The following RPS6KC1 variants were observed in gnomAD, a reference collection of about 807,000 sequenced individuals.
RPS6KC1 encodes ribosomal protein S6 kinase C1, also known as inactive ribosomal protein S6 kinase delta-1.
RPS6KC1 carries 54 observed loss-of-function variants against 103.8 expected under a neutral mutation model. The observed-to-expected ratio is 0.52, with a 90% CI of 0.42 to 0.65. The LOEUF (loss-of-function observed/expected upper bound fraction) is 0.65. RPS6KC1 is among the 30% of genes least tolerant of loss of function. The pLI is 0.00. For missense variants in RPS6KC1, 1,151 were observed against 1,253.8 expected, an observed-to-expected ratio of 0.92 and a Z score of 1.24; for synonymous variants, 439 against 438.7, an observed-to-expected ratio of 1.00 and a Z score of -0.01.
the RPS6KC1 span, among the ~76,000 whole-genome samples, chr1:213,830,449 G>A: frequency 1.2e-4 from 18 of 152,246 alleles, no homozygotes; most frequent in Non-Finnish European, 1.8e-4. Flanking sequence ...CTCACGAGCA[G>A]GTAGTCTGGC....
chr1:213,174,035 C>T lies in RPS6KC1; in HGVS notation c.952-2365C>T, dbSNP rs141587672. ...AAGACAAATGTAATGGATTAAATAT[C>T]ATTTAAAGTATTCTTTTTTCCCTCC... On this transcript the variant is annotated intron_variant, in intron 7 of 14. Transcript: ENST00000366960. Among the ~76,000 whole-genome samples the T allele has an allele frequency of 2.3e-4, 35 of 152,310 alleles. No individual in the cohort carries two copies. In the East Asian group the frequency reaches 4.6e-3, roughly 20 times the overall value.
the RPS6KC1 span, among the ~76,000 whole-genome samples, chr1:213,356,069 G>T: frequency 6.6e-6 from 1 of 152,182 alleles, no homozygotes; most frequent in Admixed American, 6.5e-5. Context: ...CTGGACACTG[G>T]GCCAGGAGCT....
chr1:213,124,333 G>C (rs544094183), intron 5 of RPS6KC1, among the ~76,000 whole-genome samples: 1 of 152,148 alleles, frequency 6.6e-6, no homozygotes, highest in Admixed American at 6.5e-5. Context: ...CTTCAGGTTG[G>C]TTTAACTTTT....
chr1:213,844,695 G>A, the RPS6KC1 span, among the ~76,000 whole-genome samples: 12 of 152,130 alleles, frequency 7.9e-5, no homozygotes, highest in South Asian at 6.2e-4. Flanking sequence ...TTTATGTGAT[G>A]ATGCATTTAT....
chr1:213,570,429 C>T, the RPS6KC1 span, among the ~76,000 whole-genome samples: 1 of 152,180 alleles, frequency 6.6e-6, no homozygotes, highest in African/African-American at 2.4e-5. Flanking sequence ...GGACCCACGT[C>T]CCAACTGAAA....
chr1:213,514,517 A>G, the RPS6KC1 span, among the ~76,000 whole-genome samples: 2 of 151,670 alleles, frequency 1.3e-5, no homozygotes, highest in East Asian at 3.9e-4. Flanking sequence ...GCTGAGAATG[A>G]TGGTTTCCAG....
At chr1:213,102,051 G>T (rs1421909141) in intron 3 of RPS6KC1, among the ~76,000 whole-genome samples, 2 of 152,152 alleles carry the variant, frequency 1.3e-5, no homozygotes, top group Non-Finnish European at 2.9e-5. Context: ...TGGGAGGGTT[G>T]AGTTTAATTG....
At chr1:213,808,928 C>T in the RPS6KC1 span, among the ~76,000 whole-genome samples, 2 of 152,200 alleles carry the variant, frequency 1.3e-5, no homozygotes, top group African/African-American at 4.8e-5. Flanking sequence ...CTTGGCTCCT[C>T]CTGGTGGTTT....
the RPS6KC1 span, among the ~76,000 whole-genome samples, chr1:213,624,576 G>A: frequency 5.5e-3 from 842 of 152,316 alleles, 6 homozygotes; most frequent in African/African-American, 0.019. Flanking sequence ...CCTTTCAGTA[G>A]TGGCTAGTCA....
chr1:213,487,078 C>T, the RPS6KC1 span, among the ~76,000 whole-genome samples: 1 of 152,140 alleles, frequency 6.6e-6, no homozygotes. Flanking sequence ...CTGCTTCCAC[C>T]TGGTCTGAGC....
chr1:213,536,441 G>A, the RPS6KC1 span, among the ~76,000 whole-genome samples: 6 of 152,216 alleles, frequency 3.9e-5, no homozygotes, highest in African/African-American at 4.8e-5. Context: ...CAATTTCAAA[G>A]CATGCTAATG....
chr1:213,587,494 T>A, the RPS6KC1 span, among the ~76,000 whole-genome samples: 1 of 152,216 alleles, frequency 6.6e-6, no homozygotes, highest in Non-Finnish European at 1.5e-5. Flanking sequence ...GGTGAGCTGC[T>A]ATCATCCATA....
the RPS6KC1 span, among the ~76,000 whole-genome samples, chr1:213,593,248 A>T: frequency 6.6e-6 from 1 of 152,152 alleles, no homozygotes; most frequent in African/African-American, 2.4e-5. Flanking sequence ...TGAAAAAAAA[A>T]AAACAACAGT....
At chr1:213,065,161 G>C (rs2078213678) in intron 1 of RPS6KC1, among the ~76,000 whole-genome samples, 1 of 150,268 alleles carries the variant, frequency 6.7e-6, no homozygotes, top group Admixed American at 6.7e-5. Context: ...ATTTTTAGTA[G>C]AGATGGGATT....
chr1:213,374,656 A>G, the RPS6KC1 span, among the ~76,000 whole-genome samples: 1 of 152,246 alleles, frequency 6.6e-6, no homozygotes, highest in Non-Finnish European at 1.5e-5. Context: ...AAGAGACGTG[A>G]TCACACCACG....
the RPS6KC1 span, among the ~76,000 whole-genome samples, chr1:213,340,602 C>G: frequency 6.6e-6 from 1 of 152,184 alleles, no homozygotes; most frequent in Non-Finnish European, 1.5e-5. Flanking sequence ...AAAGCAATAA[C>G]TAATTACATA....
At chr1:213,566,935 AT>A in the RPS6KC1 span, among the ~76,000 whole-genome samples, 1 of 152,078 alleles carries the variant, frequency 6.6e-6, no homozygotes, top group Non-Finnish European at 1.5e-5. Context: ...TCTTTTGCTC[AT>A]TGTGGATTGC....
chr1:213,732,632 C>T, the RPS6KC1 span, among the ~76,000 whole-genome samples: 1 of 152,086 alleles, frequency 6.6e-6, no homozygotes, highest in East Asian at 1.9e-4. Flanking sequence ...ATCCGGATCC[C>T]TATGACACTG....
chr1:213,397,349 A>G, the RPS6KC1 span, among the ~76,000 whole-genome samples: 5 of 152,022 alleles, frequency 3.3e-5, no homozygotes, highest in East Asian at 9.7e-4. Flanking sequence ...CAAACCTTCA[A>G]AGGACTCTCT....
Sources: gnomAD v4.1 joint callset for allele counts (sites outside exome capture counted in the v4.1 genomes callset) on GRCh38, gnomAD v4.1.1 for gene constraint, MANE v1.5 for transcripts, NCBI Gene and HGNC (gene_info 2026-07-23, HGNC 2026-07-21) for gene names.